GRIN2A: variants seen among roughly 807,000 people sequenced by gnomAD.
GRIN2A encodes glutamate ionotropic receptor NMDA type subunit 2A.
GRIN2A carries 22 observed loss-of-function variants against 113.4 expected under a neutral mutation model. The ratio of observed to expected loss-of-function variants is 0.19; its 90% CI spans 0.14 to 0.28. The LOEUF (loss-of-function observed/expected upper bound fraction) is 0.28. Ranked by LOEUF, GRIN2A falls within the 10% of genes least tolerant of loss-of-function variation. GRIN2A has a pLI of 1.00. For missense variants in GRIN2A, 1,502 were observed against 1,887.0 expected (o/e 0.80, Z 3.78); for synonymous variants, 827 against 738.4 (o/e 1.12, Z -1.94).
chr16:9,958,788 G>A (rs1469094910), intron 2 of GRIN2A, among the ~76,000 whole-genome samples: 1 of 152,086 alleles, frequency 6.6e-6, no homozygotes. Context: ...GCCACATATA[G>A]TATGTGCTAA....
At chr16:10,156,795 C>T (rs1041109107) in intron 2 of GRIN2A, among the ~76,000 whole-genome samples, 2 of 152,182 alleles carry the variant, frequency 1.3e-5, no homozygotes, top group African/African-American at 2.4e-5. Flanking sequence ...GGTTTTCATA[C>T]ACCTTATTTC....
intron 9 of GRIN2A, among the ~76,000 whole-genome samples, chr16:9,822,947 CCACT>C (rs1297423116): frequency 1.3e-5 from 2 of 152,234 alleles, no homozygotes; most frequent in African/African-American, 2.4e-5. Context: ...CATTCATTCT[CCACT>C]CACTCAGTCA....
chr16:10,143,374 C>A (rs906154414), intron 2 of GRIN2A, among the ~76,000 whole-genome samples: 1 of 152,052 alleles, frequency 6.6e-6, no homozygotes, highest in African/African-American at 2.4e-5. Flanking sequence ...AATTCAGGAG[C>A]CATTCTACTA....
At position 10,180,536 on chromosome 16, in the gene GRIN2A, G is replaced by A. The variant is rs2050248059; in HGVS notation, c.-18-107C>T. On this transcript the variant is annotated intron_variant, in intron 1 of 12. Coordinates refer to ENST00000330684, the MANE Select transcript of GRIN2A (RefSeq NM_001134407.3). This position sits in a 1 kb window ranked among gnomAD's most constrained non-coding sequence, Gnocchi z 7.0. ...TAGGAGCCAGGCATGGAACTCAGCA[G>A]CAGGATAGGCTGCTGGGATCACGGA... 6.6e-7 allele frequency: 1 copy of A among 1,516,952 alleles called. No homozygotes were observed. The highest frequency in any genetic ancestry group is 8.8e-7 in the Non-Finnish European group (1 of 1,137,972). 94.0% of individuals were successfully genotyped at this position (1,516,952 alleles called of 1,614,324 possible).
chr16:9,959,646 C>T (rs913855273), intron 2 of GRIN2A, among the ~76,000 whole-genome samples: 7 of 152,202 alleles, frequency 4.6e-5, no homozygotes, highest in Non-Finnish European at 8.8e-5. Flanking sequence ...AGAGGGCTTG[C>T]CAATGGTTTT....
In GRIN2A at chr16:9,759,305, T is replaced by C. The variant is rs1900481988; in HGVS notation, c.*3844A>G. ...ATTTAATTAACATCAACATTTTTTT[T>C]CTTTTTCATTAGCAATTCTATTTGC... On this transcript the variant is annotated 3_prime_UTR_variant, in exon 13 of 13. Transcript: ENST00000330684. 1 of 221,444 alleles carries C rather than the reference T, an allele frequency of 4.5e-6. No individual in the cohort carries two copies. The highest frequency in any genetic ancestry group is 9.0e-6 in the Non-Finnish European group (1 of 110,764). The allele number at this position is 221,444 out of a possible 1,614,324, so 13.7% of individuals were successfully genotyped here. A position where few individuals can be genotyped will look rare whatever the true frequency, so the allele number is the denominator to read the frequency against.
intron 3 of GRIN2A, among the ~76,000 whole-genome samples, chr16:9,900,958 C>T (rs530989720): frequency 4.6e-5 from 7 of 152,286 alleles, no homozygotes; most frequent in African/African-American, 1.7e-4. Context: ...TATTCAAGAT[C>T]TCCAAGTGGC....
At position 9,756,222 on chromosome 16, in the gene GRIN2A, A is replaced by T; in HGVS notation, c.*6927T>A. ...TGATGTTGACTGATAAAAAGATGAG[A>T]CATTAGGAAAGAGATATTTAAGATT... On this transcript the variant is annotated 3_prime_UTR_variant, in exon 13 of 13. Transcript: ENST00000330684. The T allele has an allele frequency of 2.2e-5, 5 of 227,494 alleles. No homozygotes were observed. The East Asian group carries it at 3.1e-4, about 14-fold the overall frequency. 14.1% of individuals were successfully genotyped at this position (227,494 alleles called of 1,614,324 possible). A position where few individuals can be genotyped will look rare whatever the true frequency, so the allele number is the denominator to read the frequency against.
In GRIN2A at chr16:9,916,067, AAGAGTTAGGTCAATCTCTTTGTGT is replaced by A. The variant is rs536560694; in HGVS notation, c.1007+21868_1007+21891del. ...CTTTGTCTTCTGGAGTTGGAGGCATAAGAGTTAGGTCAATCTCTTTGTGTAATCTTGGTTATATGATGTCACCTC... is the reference window on the plus strand; with the variant it reads ...CTTTGTCTTCTGGAGTTGGAGGCATAAATCTTGGTTATATGATGTCACCTC... On this transcript the variant is annotated intron_variant, in intron 3 of 12. Coordinates refer to ENST00000330684, the MANE Select transcript of GRIN2A (RefSeq NM_001134407.3). Among the ~76,000 whole-genome samples the A allele has an allele frequency of 3.7e-4, 56 of 152,330 alleles. No individual in the cohort carries two copies. In the South Asian group the frequency reaches 0.012, roughly 32 times the overall value.
At chr16:10,054,121 G>A (rs1195345207) in intron 2 of GRIN2A, among the ~76,000 whole-genome samples, 1 of 151,998 alleles carries the variant, frequency 6.6e-6, no homozygotes, top group Non-Finnish European at 1.5e-5. Flanking sequence ...GCTAAAAAAA[G>A]GAAAATATCC....
At chr16:9,864,224 G>A (rs916229850) in intron 4 of GRIN2A, among the ~76,000 whole-genome samples, 7 of 152,162 alleles carry the variant, frequency 4.6e-5, no homozygotes, top group Non-Finnish European at 8.8e-5. Flanking sequence ...CTTTTGGGGA[G>A]TATTTACCTG....
At position 9,800,806 on chromosome 16, in the gene GRIN2A, T is replaced by C. The variant is rs574230153; in HGVS notation, c.2169-2342A>G. ...GATGGTAACCTAGAGCTGTCATACG[T>C]AACCTGGAGCAACCTAGAGCTTGGC... is the stretch of plus-strand genomic sequence containing the variant. On this transcript the variant is annotated intron_variant, in intron 10 of 12. Coordinates refer to ENST00000330684, the MANE Select transcript of GRIN2A (RefSeq NM_001134407.3). 6.8e-4 allele frequency among the ~76,000 whole-genome samples: 103 copies of C among 152,234 alleles called. 2 individuals carry two copies. Among genetic ancestry groups the C allele is most frequent in the Non-Finnish European group, 2.4e-4 (16 of 68,020 alleles).
In GRIN2A at chr16:9,840,881, A is replaced by C. The variant is rs1464370413; in HGVS notation, c.1497+55T>G. ...TTTACTTTTCCTGCTAACATTCCTGAGGACTGCAGGCCCTTTGTCTGAGTA... is the reference window on the plus strand; with the variant it reads ...TTTACTTTTCCTGCTAACATTCCTGCGGACTGCAGGCCCTTTGTCTGAGTA... On this transcript the variant is annotated intron_variant, in intron 6 of 12. Coordinates refer to ENST00000330684, the MANE Select transcript of GRIN2A (RefSeq NM_001134407.3). 7 of 1,593,092 alleles carry C rather than the reference A, an allele frequency of 4.4e-6. No individual in the cohort carries two copies. The Admixed American group carries it at 8.4e-5, about 19-fold the overall frequency.
At chr16:10,069,831 A>G (rs1238228142) in intron 2 of GRIN2A, among the ~76,000 whole-genome samples, 4 of 152,356 alleles carry the variant, frequency 2.6e-5, no homozygotes, top group Admixed American at 1.3e-4. Flanking sequence ...ACCTTTCCCA[A>G]TGCAGTGAAG....
chr16:10,007,572 T>A (rs901247748), intron 2 of GRIN2A, among the ~76,000 whole-genome samples: 3 of 152,198 alleles, frequency 2.0e-5, no homozygotes, highest in African/African-American at 7.2e-5. Flanking sequence ...TTTCTGCCAT[T>A]CTTTGGGTTG....
intron 2 of GRIN2A, among the ~76,000 whole-genome samples, chr16:10,170,985 T>G (rs2050030542): frequency 6.6e-6 from 1 of 152,192 alleles, no homozygotes; most frequent in African/African-American, 2.4e-5. Flanking sequence ...GAACCTCCAG[T>G]GCAGTCTTTA....
intron 2 of GRIN2A, among the ~76,000 whole-genome samples, chr16:10,149,826 G>C (rs2049530704): frequency 6.6e-6 from 1 of 152,216 alleles, no homozygotes; most frequent in Admixed American, 6.5e-5. Context: ...TCAATCCTTT[G>C]TTCAGACCCC....
At chr16:9,849,115 TTATATATTTAAATATATAAAA>T (rs2042830894) in intron 5 of GRIN2A, among the ~76,000 whole-genome samples, 1 of 113,340 alleles carries the variant, frequency 8.8e-6, no homozygotes, top group East Asian at 2.5e-4. Flanking sequence ...ATATACTGTT[TTATATATTTAAATATATAAAA>T]TACACTGTTT....
chr16:10,055,485 T>C (rs1396112936), intron 2 of GRIN2A, among the ~76,000 whole-genome samples: 1 of 152,210 alleles, frequency 6.6e-6, no homozygotes, highest in African/African-American at 2.4e-5. Flanking sequence ...TAGGATGACT[T>C]CTCTGAGACT....
Sources: gnomAD v4.1 joint callset for allele counts (sites outside exome capture counted in the v4.1 genomes callset) on GRCh38, gnomAD v4.1.1 for gene constraint, Gnocchi (gnomAD v3.1) non-coding constraint, MANE v1.5 for transcripts, NCBI Gene and HGNC (gene_info 2026-07-23, HGNC 2026-07-21) for gene names.